The following UBASH3B variants were observed in gnomAD, a reference collection of about 807,000 sequenced individuals.
UBASH3B encodes ubiquitin associated and SH3 domain containing B.
In UBASH3B, 37 loss-of-function variants were observed where a neutral mutation model predicts 83.4. The observed-to-expected ratio is 0.44, with a 90% CI of 0.34 to 0.58. The LOEUF (loss-of-function observed/expected upper bound fraction) is 0.58. UBASH3B is among the 20% of genes least tolerant of loss of function. UBASH3B has a pLI of 0.01. For synonymous variants in UBASH3B, 304 were observed against 318.3 expected (o/e 0.96, Z 0.48); for missense variants, 657 against 827.2 (o/e 0.79, Z 2.52).
intron 1 of UBASH3B, among the ~76,000 whole-genome samples, chr11:122,764,626 GA>G (rs1860502795): frequency 6.6e-6 from 1 of 152,252 alleles, no homozygotes; most frequent in Non-Finnish European, 1.5e-5. Context: ...AGGTGGGACT[GA>G]ATTGCGTGGA....
At chr11:122,731,761 G>A (rs1860847678) in intron 1 of UBASH3B, among the ~76,000 whole-genome samples, 1 of 152,188 alleles carries the variant, frequency 6.6e-6, no homozygotes, top group Non-Finnish European at 1.5e-5. Flanking sequence ...GTTGACCACT[G>A]GTAACTGAAC....
At chr11:122,703,869 G>A (rs1181952880) in intron 1 of UBASH3B, among the ~76,000 whole-genome samples, 5 of 152,174 alleles carry the variant, frequency 3.3e-5, no homozygotes, top group East Asian at 1.9e-4. Context: ...GGCATAAGCC[G>A]GGGATATGAA....
intron 1 of UBASH3B, chr11:122,727,601 A>G (rs949261242): frequency 6.6e-6 from 1 of 152,116 alleles, no homozygotes; most frequent in Non-Finnish European, 1.5e-5. Context: ...AGACAAGGAC[A>G]GCGAGGCTAT....
intron 1 of UBASH3B, chr11:122,774,166 G>T (rs1040118770): frequency 2.0e-6 from 2 of 985,316 alleles, no homozygotes; most frequent in Non-Finnish European, 2.4e-6. Context: ...GTGTGGGAAT[G>T]AGCGTGTGTG....
intron 1 of UBASH3B, among the ~76,000 whole-genome samples, chr11:122,717,269 C>T (rs1285069860): frequency 2.0e-5 from 3 of 152,224 alleles, no homozygotes; most frequent in African/African-American, 7.2e-5. Context: ...TCCTCATTGC[C>T]TGTCCTAAGA....
chr11:122,723,830 C>A (rs1291508835), intron 1 of UBASH3B, among the ~76,000 whole-genome samples: 1 of 152,212 alleles, frequency 6.6e-6, no homozygotes, highest in Non-Finnish European at 1.5e-5. Flanking sequence ...AGGAAGGAGG[C>A]AGGGTGGCCC....
chr11:122,699,191 G>C (rs944056197), intron 1 of UBASH3B, among the ~76,000 whole-genome samples: 1 of 152,208 alleles, frequency 6.6e-6, no homozygotes, highest in Non-Finnish European at 1.5e-5. Context: ...TGGAGGAGGG[G>C]CATGGGAGGG....
Position 122,760,551 on chromosome 11 carries a change from C to T in UBASH3B, c.162-15668C>T, listed in dbSNP as rs911845229. Among the ~76,000 whole-genome samples the T allele has an allele frequency of 3.9e-5, 6 of 152,032 alleles. No homozygotes were observed. The South Asian group carries it at 6.2e-4, about 16-fold the overall frequency. On this transcript the variant is annotated intron_variant, in intron 1 of 13. Transcript: ENST00000284273. ...AATTTTTTTGTATTTTTAGTAGAGA[C>T]GGGGTTTCACCAGGTTGGCTAGGCT... is the stretch of plus-strand genomic sequence containing the variant.
chr11:122,744,383 T>G (rs1032390997), intron 1 of UBASH3B, among the ~76,000 whole-genome samples: 4 of 152,026 alleles, frequency 2.6e-5, no homozygotes, highest in African/African-American at 9.7e-5. Context: ...CTGTGAGTGG[T>G]TGAGTGAGTA....
At chr11:122,776,100 A>T (rs770753796) in intron 1 of UBASH3B, 119 bp from the exon 2 acceptor site, 87 of 849,508 alleles carry the variant, frequency 1.0e-4, no homozygotes, top group Non-Finnish European at 1.1e-4. Flanking sequence ...TCTACTCCCC[A>T]CCACAGAGGA....
At chr11:122,722,598 G>A (rs1479473466) in intron 1 of UBASH3B, among the ~76,000 whole-genome samples, 2 of 152,120 alleles carry the variant, frequency 1.3e-5, no homozygotes, top group East Asian at 1.9e-4. Flanking sequence ...AGAAAATTGG[G>A]CTTCTTTTCT....
chr11:122,702,970 C>T (rs1864063204), intron 1 of UBASH3B, among the ~76,000 whole-genome samples: 1 of 152,166 alleles, frequency 6.6e-6, no homozygotes, highest in African/African-American at 2.4e-5. Context: ...CTCATTTATT[C>T]ACTCATTCTA....
intron 1 of UBASH3B, among the ~76,000 whole-genome samples, chr11:122,671,147 T>C (rs1863588240): frequency 6.6e-6 from 1 of 152,060 alleles, no homozygotes; most frequent in African/African-American, 2.4e-5. Flanking sequence ...GGCTTAGGAG[T>C]GTGGCGCTCC....
At chr11:122,683,331 A>C (rs1379309757) in intron 1 of UBASH3B, among the ~76,000 whole-genome samples, 4 of 151,986 alleles carry the variant, frequency 2.6e-5, no homozygotes, top group Admixed American at 6.6e-5. Context: ...TTATGACCAC[A>C]GGGCCTGGCA....
chr11:122,787,423 C>T (rs1267167883), intron 5 of UBASH3B, among the ~76,000 whole-genome samples: 1 of 152,112 alleles, frequency 6.6e-6, no homozygotes, highest in Non-Finnish European at 1.5e-5. Context: ...CAAACAGGTG[C>T]CCTACATAAA....
chr11:122,812,825 G>T lies in UBASH3B; in HGVS notation c.*2939G>T, dbSNP rs138539028. ...GGCACATTTTAATGCATAAGCTGGG[G>T]GTTTCATTTTCCCAGGCTCTCTTCA... On this transcript the variant is annotated 3_prime_UTR_variant, in exon 14 of 14. Transcript: ENST00000284273. 690 of 152,258 alleles carry T rather than the reference G, an allele frequency of 4.5e-3. 7 individuals carry two copies. Among genetic ancestry groups the T allele is most frequent in the Non-Finnish European group, 4.8e-3 (324 of 68,014 alleles). The allele number at this position is 152,258 out of a possible 1,614,324, so 9.4% of individuals were successfully genotyped here.
At position 122,796,967 on chromosome 11, in the gene UBASH3B, G is replaced by A. The variant is rs1420721795; in HGVS notation, c.1291G>A (p.Gly431Ser). Residue 431 changes from glycine (G) to serine (S), a missense_variant, in exon 9 of 14, where the codon GGT becomes AGT. Around this residue, in one of 3 missense-constraint regions of UBASH3B, gnomAD observed 573 missense variants for 739.0 expected, o/e 0.78. Transcript: ENST00000284273. ...TCATAGTTTACCTCAGCGGAGTGGTGGTTTCCGAGATTACGAGAAAGATGC... is the reference window on the plus strand; with the variant it reads ...TCATAGTTTACCTCAGCGGAGTGGTAGTTTCCGAGATTACGAGAAAGATGC... The part of the protein sequence containing the change: ...MPHSLPQRSG[G>S]FRDYEKDAPI... 3 of 1,614,100 alleles carry A rather than the reference G, an allele frequency of 1.9e-6. No individual in the cohort carries two copies. The highest frequency in any genetic ancestry group is 1.7e-4 in the Middle Eastern group (1 of 6,058).
intron 1 of UBASH3B, among the ~76,000 whole-genome samples, chr11:122,752,580 G>T (rs923006659): frequency 7.9e-5 from 12 of 152,172 alleles, no homozygotes; most frequent in African/African-American, 2.9e-4. Context: ...GCAAATACAA[G>T]AAGGAGTTTG....
chr11:122,797,813 A>G (rs1861181103), intron 9 of UBASH3B, among the ~76,000 whole-genome samples: 1 of 152,186 alleles, frequency 6.6e-6, no homozygotes, highest in Admixed American at 6.5e-5. Context: ...GGGACCACAT[A>G]AAGAGTCTTA....
Sources: gnomAD v4.1 joint callset for allele counts (sites outside exome capture counted in the v4.1 genomes callset) on GRCh38, gnomAD v4.1.1 for gene constraint, gnomAD v4.1.1 regional missense constraint, MANE v1.5 for transcripts, NCBI Gene and HGNC (gene_info 2026-07-23, HGNC 2026-07-21) for gene names.